The following ESPL1 variants were observed in gnomAD, a reference collection of about 807,000 sequenced individuals.
ESPL1 encodes the protein extra spindle pole bodies like 1, separase.
In ESPL1, 50 loss-of-function variants were observed where a neutral mutation model predicts 217.2. The observed-to-expected ratio is 0.23, with a 90% CI of 0.18 to 0.29. The LOEUF (loss-of-function observed/expected upper bound fraction) is 0.29, where lower values mean the gene tolerates loss of function less well. Ranked by LOEUF, ESPL1 falls within the 10% of genes least tolerant of loss-of-function variation. The pLI, the probability that ESPL1 is intolerant of heterozygous loss-of-function variation, is 1.00. For synonymous variants in ESPL1, 994 were observed against 1,081.3 expected, an observed-to-expected ratio of 0.92 and a Z score of 1.58; for missense variants, 1,834 against 2,603.0, an observed-to-expected ratio of 0.70 and a Z score of 6.43.
At position 53,286,103 on chromosome 12, in the gene ESPL1, A is replaced by G; in HGVS notation, c.3367A>G (p.Thr1123Ala). Residue 1123 changes from threonine to alanine, a missense_variant, in exon 18 of 31, where the codon ACA becomes GCA. By Grantham distance (58) the Thr-to-Ala change is moderately conservative (BLOSUM62 0). Coordinates refer to ENST00000257934, the MANE Select transcript of ESPL1 (RefSeq NM_012291.5). The surrounding 1 kb of genome is among the most constrained non-coding windows in gnomAD (Gnocchi z 5.3). ...AKEPGPIAPS[T>A]NSSPVLKTKP... ...GGAGCCTGGCCCCATAGCACCTTCT[A>G]CAAACTCCTCCCCAGTCTTGAAAAC... 3 of 1,613,406 alleles carry G rather than the reference A, an allele frequency of 1.9e-6. No individual in the cohort carries two copies.
intron 7 of ESPL1, 82 bp from the exon 8 acceptor site, chr12:53,276,537 TG>T: frequency 7.0e-7 from 1 of 1,430,516 alleles, no homozygotes; most frequent in Non-Finnish European, 9.3e-7. Context: ...AAGCCAAGGC[TG>T]GGGCTCCTCA....
At chr12:53,272,926 C>T (rs1411656439) in intron 6 of ESPL1, 69 bp downstream of exon 6, 2 of 1,549,696 alleles carry the variant, frequency 1.3e-6, no homozygotes, top group Non-Finnish European at 1.8e-6. Flanking sequence ...GGGGAAGGGC[C>T]TCACCAGCAC....
chr12:53,270,864 G>A (rs550250768), intron 5 of ESPL1, 66 bp downstream of exon 5: 7 of 1,579,170 alleles, frequency 4.4e-6, no homozygotes, highest in South Asian at 1.1e-5. Flanking sequence ...CAGGTGAATA[G>A]TACTTGCTGC....
Position 53,292,625 on chromosome 12 carries a change from G to T in ESPL1, c.5964G>T (p.Val1988=), listed in dbSNP as rs1944083158. 6.2e-7 allele frequency: 1 copy of T among 1,612,974 alleles called. No individual in the cohort carries two copies. Among genetic ancestry groups the T allele is most frequent in the East Asian group, 2.2e-5 (1 of 44,876 alleles). Residue 1988 remains valine, a synonymous_variant, in exon 29 of 31, where the codon GTG becomes GTT. Transcript: ENST00000257934. This position sits in a 1 kb window ranked among gnomAD's most constrained non-coding sequence, Gnocchi z 4.5. ...GGGAGGTGCCAAGACCTGAACAGGT[G>T]CAGGAAGCCCTGACAAAGCATGATT... ...VVGEVPRPEQ[V]QEALTKHDLY...
intron 17 of ESPL1, among the ~76,000 whole-genome samples, chr12:53,285,031 GAAAGA>G (rs74484742): frequency 0.2 from 26,801 of 132,044 alleles, 3,458 homozygotes; most frequent in Non-Finnish European, 0.31. Context: ...AAAAAAAGAA[GAAAGA>G]AAGAAAGAAA....
chr12:53,283,945 T>C (rs1245190477), intron 16 of ESPL1, 113 bp from the exon 17 acceptor site: 3 of 781,186 alleles, frequency 3.8e-6, no homozygotes, highest in Non-Finnish European at 4.4e-6. Context: ...GTGAATGCCT[T>C]TTGGAGGCAG....
Position 53,274,977 on chromosome 12 carries a change from C to T in ESPL1, c.1667C>T (p.Ala556Val). The T allele has an allele frequency of 1.9e-6, 3 of 1,564,874 alleles. No homozygotes were observed. Among genetic ancestry groups the T allele is most frequent in the African/African-American group, 1.4e-5 (1 of 72,904 alleles). ...TTCTGGGTTCGGGTCAAGATGGATG[C>T]GGCCAGGGCTGGAGACAAGGAGCTA... The part of the protein sequence containing the change: ...VTFWVRVKMD[A>V]ARAGDKELQL... The change falls in exon 7 of 31, where the codon GCG (alanine) becomes GTG (valine). Residue 556 changes from alanine to valine, a missense_variant. Physicochemically the swap from Ala to Val is moderately conservative, Grantham distance 64 (BLOSUM62 0). Around this residue, in one of 5 missense-constraint regions of ESPL1, gnomAD observed 746 missense variants for 1,077.0 expected, o/e 0.69. Coordinates refer to ENST00000257934, the MANE Select transcript of ESPL1 (RefSeq NM_012291.5).
intron 22 of ESPL1, 85 bp downstream of exon 22, chr12:53,289,679 G>T: frequency 8.6e-7 from 1 of 1,160,328 alleles, no homozygotes; most frequent in Non-Finnish European, 1.2e-6. Flanking sequence ...TTTAGGCATT[G>T]GTTAGTTTAC....
At chr12:53,285,026 A>AAG (rs1477923450) in intron 17 of ESPL1, among the ~76,000 whole-genome samples, 1 of 95,502 alleles carries the variant, frequency 1.0e-5, no homozygotes, top group Non-Finnish European at 3.2e-5. Context: ...AAAAAAAAAA[A>AAG]AGAAGAAAGA....
chr12:53,281,201 G>A (rs189634912), intron 12 of ESPL1, among the ~76,000 whole-genome samples: 46 of 140,216 alleles, frequency 3.3e-4, no homozygotes, highest in African/African-American at 7.7e-4. Context: ...GCAGTGGCGC[G>A]ATCTCCATTC....
At chr12:53,291,506 G>A (rs895769878) in intron 25 of ESPL1, among the ~76,000 whole-genome samples, 184 bp from the exon 26 acceptor site, 8 of 151,992 alleles carry the variant, frequency 5.3e-5, no homozygotes, top group South Asian at 4.1e-4. Context: ...CAGGAGAATC[G>A]CTTGAACCTG....
Position 53,269,415 on chromosome 12 carries a change from T to A in ESPL1, c.473T>A (p.Leu158Gln). The A allele has an allele frequency of 6.2e-7, 1 of 1,613,984 alleles. No homozygotes were observed. The highest frequency in any genetic ancestry group is 8.5e-7 in the Non-Finnish European group (1 of 1,180,000). ...FSLLWKGAEA[L>Q]LERRAAFAAR... ...CTGCTTTGGAAGGGGGCAGAAGCCCTGTTGGAACGGCGAGCTGCATTTGCA... is the reference window on the plus strand; with the variant it reads ...CTGCTTTGGAAGGGGGCAGAAGCCCAGTTGGAACGGCGAGCTGCATTTGCA... Residue 158 changes from leucine (L) to glutamine (Q), a missense_variant, in exon 3 of 31, where the codon CTG becomes CAG. This residue lies in a region of ESPL1 where 746 missense variants were observed against 1,077.0 expected (regional missense o/e 0.69). Coordinates refer to ENST00000257934, the MANE Select transcript of ESPL1 (RefSeq NM_012291.5). The surrounding 1 kb of genome is among the most constrained non-coding windows in gnomAD (Gnocchi z 6.7).
Position 53,290,511 on chromosome 12 carries a change from A to C in ESPL1, c.5364+42A>C, listed in dbSNP as rs569350554. The C allele has an allele frequency of 2.1e-5, 33 of 1,603,356 alleles. No individual in the cohort carries two copies. In the Middle Eastern group the frequency reaches 5.3e-4, roughly 26 times the overall value. ...TGGGGTCAGGCCTGCTCTAGGAATG[A>C]CCCGGGGGGTCCCAGTGACTTCTCT... On this transcript the variant is annotated intron_variant, in intron 24 of 30. Coordinates refer to ENST00000257934, the MANE Select transcript of ESPL1 (RefSeq NM_012291.5).
Position 53,286,293 on chromosome 12 carries a change from T to A in ESPL1, c.3557T>A (p.Val1186Asp), listed in dbSNP as rs760061546. Residue 1186 changes from valine to aspartate, a missense_variant, in exon 18 of 31, where the codon GTC becomes GAC. By Grantham distance (152) the Val-to-Asp change is radical (BLOSUM62 -3). Coordinates refer to ENST00000257934, the MANE Select transcript of ESPL1 (RefSeq NM_012291.5). The surrounding 1 kb of genome is among the most constrained non-coding windows in gnomAD (Gnocchi z 5.3). Reference sequence around the variant, plus strand: ...GCCCAGGGTCTGGATCTGCTGCAGGTCGTGCTGAAGGGCTGTCCTGAAGCC... The same window carrying A: ...GCCCAGGGTCTGGATCTGCTGCAGGACGTGCTGAAGGGCTGTCCTGAAGCC... The part of the protein sequence containing the change: ...HQAQGLDLLQ[V>D]VLKGCPEAAE... 1 of 1,614,154 alleles carries A rather than the reference T, an allele frequency of 6.2e-7. No individual in the cohort carries two copies. Among genetic ancestry groups the A allele is most frequent in the African/African-American group, 1.3e-5 (1 of 75,066 alleles).
chr12:53,277,998 A>C, intron 11 of ESPL1, 38 bp downstream of exon 11: 1 of 1,603,532 alleles, frequency 6.2e-7, no homozygotes. Flanking sequence ...CCATATAAAC[A>C]AGGACTAGAC....
At chr12:53,290,547 CT>C in intron 24 of ESPL1, 78 bp downstream of exon 24, 1 of 1,529,920 alleles carries the variant, frequency 6.5e-7, no homozygotes, top group Non-Finnish European at 9.0e-7. Flanking sequence ...ACCAGACGGC[CT>C]GGGTCAGTGC....
At position 53,292,527 on chromosome 12, in the gene ESPL1, C is replaced by A; in HGVS notation, c.5913-47C>A. 6.5e-7 allele frequency: 1 copy of A among 1,527,384 alleles called. No individual in the cohort carries two copies. Among genetic ancestry groups the A allele is most frequent in the Non-Finnish European group, 9.1e-7 (1 of 1,103,354 alleles). 94.6% of individuals were successfully genotyped at this position (1,527,384 alleles called of 1,614,324 possible). On this transcript the variant is annotated intron_variant, in intron 28 of 30. Coordinates refer to ENST00000257934, the MANE Select transcript of ESPL1 (RefSeq NM_012291.5). The surrounding 1 kb of genome is among the most constrained non-coding windows in gnomAD (Gnocchi z 4.5). ...TCCCTCTGCTGTCTTTGCCACCTGA[C>A]CCCTGCCATGCATTTCCCTATTCTC...
At position 53,269,560 on chromosome 12, in the gene ESPL1, T is replaced by C; in HGVS notation, c.618T>C (p.Asp206=). ...CRAVAAHQLF[D]ASGHGLNEAD... ...CGGTAGCTGCCCATCAGCTATTTGA[T>C]GCCAGTGGCCATGGTCTAAATGAAG... The change falls in exon 3 of 31, where the codon GAT becomes GAC. Residue 206 remains aspartate (D), a synonymous_variant. Transcript: ENST00000257934. This position sits in a 1 kb window ranked among gnomAD's most constrained non-coding sequence, Gnocchi z 6.7. 1 of 1,614,260 alleles carries C rather than the reference T, an allele frequency of 6.2e-7. No homozygotes were observed.
At chr12:53,275,074 G>A (rs1470910064) in intron 7 of ESPL1, 64 bp downstream of exon 7, 4 of 1,338,864 alleles carry the variant, frequency 3.0e-6, no homozygotes, top group African/African-American at 1.5e-5. Flanking sequence ...AAGCCGAGGC[G>A]GGTGGATCAC....
Sources: gnomAD v4.1 joint callset for allele counts (sites outside exome capture counted in the v4.1 genomes callset) on GRCh38, gnomAD v4.1.1 for gene constraint, gnomAD v4.1.1 regional missense constraint, Gnocchi (gnomAD v3.1) non-coding constraint, MANE v1.5 for transcripts, NCBI Gene and HGNC (gene_info 2026-07-23, HGNC 2026-07-21) for gene names.